CCSER1: variants seen among roughly 807,000 people sequenced by gnomAD.
CCSER1 encodes coiled-coil serine rich protein 1, also known as serine-rich coiled-coil domain-containing protein 1.
A neutral mutation model predicts 82.0 loss-of-function variants in CCSER1; 41 were observed. The ratio of observed to expected loss-of-function variants is 0.50; its 90% confidence interval spans 0.39 to 0.65. The LOEUF (loss-of-function observed/expected upper bound fraction) is 0.65, where lower values mean the gene tolerates loss of function less well. CCSER1 is among the 30% of genes least tolerant of loss of function. CCSER1 has a pLI of 0.00. For missense variants in CCSER1, 1,119 were observed against 1,064.2 expected (o/e 1.05, Z -0.72); for synonymous variants, 414 against 383.9 (o/e 1.08, Z -0.92).
At chr4:90,705,771 G>T (rs1051022814) in intron 6 of CCSER1, among the ~76,000 whole-genome samples, 1 of 152,220 alleles carries the variant, frequency 6.6e-6, no homozygotes, top group African/African-American at 2.4e-5. Flanking sequence ...GACCCTCCGA[G>T]CCAGGCTCAG....
rs535915214 is a variant in CCSER1 at position 90,127,429 on chromosome 4, C to T, written c.-444C>T. On this transcript the variant is annotated 5_prime_UTR_variant, in exon 1 of 11. Transcript: ENST00000509176. The stretch of plus-strand genomic sequence containing the variant: ...AGCGCGGCCTGCCGGGGAGGTGGAT[C>T]TCGCGCTCCCCACACAGTCACACTC... The T allele has an allele frequency of 6.6e-6, 1 of 152,524 alleles. No homozygotes were observed. The highest frequency in any genetic ancestry group is 2.1e-4 in the South Asian group (1 of 4,818). The allele number at this position is 152,524 out of a possible 1,614,324, so 9.4% of individuals were successfully genotyped here.
chr4:91,261,975 G>A (rs1244021966), intron 10 of CCSER1, among the ~76,000 whole-genome samples: 5 of 152,080 alleles, frequency 3.3e-5, no homozygotes, highest in African/African-American at 1.2e-4. Flanking sequence ...AGACAGAAAT[G>A]TATAACTTGA....
intron 10 of CCSER1, among the ~76,000 whole-genome samples, chr4:91,103,860 C>T (rs374608425): frequency 1.4e-3 from 213 of 151,922 alleles, no homozygotes; most frequent in African/African-American, 5.0e-3. Context: ...CGGGGTCGGG[C>T]AAAAAGAGCC....
chr4:90,400,836 C>T (rs1029091334), intron 4 of CCSER1, among the ~76,000 whole-genome samples: 2 of 152,110 alleles, frequency 1.3e-5, no homozygotes, highest in African/African-American at 4.8e-5. Context: ...TAAACATTTA[C>T]ACTTAATTTT....
At chr4:90,548,725 A>AATAT (rs1553939924) in intron 5 of CCSER1, among the ~76,000 whole-genome samples, 1 of 127,256 alleles carries the variant, frequency 7.9e-6, no homozygotes, top group African/African-American at 3.3e-5. Flanking sequence ...TTATCATTTA[A>AATAT]AGATATATAT....
chr4:90,742,969 T>G (rs1746801863), intron 7 of CCSER1, among the ~76,000 whole-genome samples: 1 of 152,192 alleles, frequency 6.6e-6, no homozygotes, highest in African/African-American at 2.4e-5. Flanking sequence ...TAGCCTTTTT[T>G]TCACTGCAGT....
At chr4:91,566,448 G>T (rs537790856) in intron 10 of CCSER1, among the ~76,000 whole-genome samples, 2 of 152,186 alleles carry the variant, frequency 1.3e-5, no homozygotes, top group African/African-American at 4.8e-5. Context: ...TTTTGGAATA[G>T]TTTCTGTAGG....
intron 5 of CCSER1, among the ~76,000 whole-genome samples, chr4:90,553,459 C>G (rs1777763774): frequency 6.6e-6 from 1 of 152,032 alleles, no homozygotes; most frequent in South Asian, 2.1e-4. Flanking sequence ...ATATTATTTC[C>G]TGTTACATGC....
intron 10 of CCSER1, among the ~76,000 whole-genome samples, chr4:91,191,759 T>C (rs1263546965): frequency 6.6e-6 from 1 of 152,170 alleles, no homozygotes; most frequent in Admixed American, 6.6e-5. Context: ...GGTGCTGAAA[T>C]GTGATGGCAG....
chr4:91,422,172 C>T (rs934485565), intron 10 of CCSER1, among the ~76,000 whole-genome samples: 2 of 151,972 alleles, frequency 1.3e-5, no homozygotes, highest in Admixed American at 6.5e-5. Flanking sequence ...GATAATAAAA[C>T]TTTTGTTGTT....
intron 5 of CCSER1, among the ~76,000 whole-genome samples, chr4:90,619,431 G>T (rs1721902238): frequency 6.6e-6 from 1 of 151,980 alleles, no homozygotes; most frequent in African/African-American, 2.4e-5. Context: ...AAGGGCTAAG[G>T]AGAAATAATT....
chr4:90,565,439 A>G (rs1779247673), intron 5 of CCSER1, among the ~76,000 whole-genome samples: 1 of 152,294 alleles, frequency 6.6e-6, no homozygotes, highest in South Asian at 2.1e-4. Context: ...TTCTACATAT[A>G]TAATTATGTT....
intron 9 of CCSER1, among the ~76,000 whole-genome samples, chr4:90,960,184 T>A (rs11721651): frequency 0.26 from 38,748 of 151,786 alleles, 5,167 homozygotes; most frequent in Non-Finnish European, 0.28. Flanking sequence ...TCATTTTTTT[T>A]AAAAAAAGGA....
At chr4:91,534,444 TATG>T (rs1038837484) in intron 10 of CCSER1, among the ~76,000 whole-genome samples, 1 of 152,052 alleles carries the variant, frequency 6.6e-6, no homozygotes, top group Non-Finnish European at 1.5e-5. Context: ...GAAACCACAC[TATG>T]ATGTTTACTT....
chr4:90,882,507 T>C (rs573578102), intron 8 of CCSER1, among the ~76,000 whole-genome samples: 2 of 152,206 alleles, frequency 1.3e-5, no homozygotes, highest in African/African-American at 4.8e-5. Context: ...CTGAACTGTC[T>C]ATATCATAAG....
chr4:90,752,189 A>C (rs567567595), intron 7 of CCSER1, among the ~76,000 whole-genome samples: 1 of 152,264 alleles, frequency 6.6e-6, no homozygotes, highest in South Asian at 2.1e-4. Context: ...ATTTCCTATG[A>C]GGAGAAACAG....
chr4:90,792,270 T>C (rs1755367002), intron 7 of CCSER1, among the ~76,000 whole-genome samples: 4 of 152,332 alleles, frequency 2.6e-5, no homozygotes, highest in East Asian at 1.9e-4. Context: ...TTCTTCTTCA[T>C]TGTCACAATT....
intron 10 of CCSER1, among the ~76,000 whole-genome samples, chr4:91,447,540 T>C (rs1419162667): frequency 1.3e-5 from 2 of 152,078 alleles, no homozygotes; most frequent in Non-Finnish European, 2.9e-5. Flanking sequence ...AAAACAATGA[T>C]ATGTCAGTTT....
intron 5 of CCSER1, among the ~76,000 whole-genome samples, chr4:90,580,596 A>G (rs1299301104): frequency 1.2e-4 from 19 of 152,196 alleles, no homozygotes; most frequent in African/African-American, 2.4e-5. Context: ...AGAATATTCC[A>G]AGGGCTCAGA....
Sources: gnomAD v4.1 joint callset for allele counts (sites outside exome capture counted in the v4.1 genomes callset) on GRCh38, gnomAD v4.1.1 for gene constraint, MANE v1.5 for transcripts, NCBI Gene and HGNC (gene_info 2026-07-23, HGNC 2026-07-21) for gene names.